ARMC2: variants seen among roughly 807,000 people sequenced by gnomAD.
The protein encoded by ARMC2 is armadillo repeat-containing protein 2.
Under a neutral mutation model 90.3 loss-of-function variants are expected in ARMC2, and 67 were observed. The ratio of observed to expected loss-of-function variants is 0.74; its 90% confidence interval spans 0.61 to 0.91. The LOEUF (loss-of-function observed/expected upper bound fraction) is 0.91. Among genes scored for constraint, ARMC2 ranks in the 40% least tolerant of loss-of-function variants. The pLI, the probability that ARMC2 is intolerant of heterozygous loss-of-function variation, is 0.00. For missense variants in ARMC2, 920 were observed against 1,030.9 expected (o/e 0.89, Z 1.47); for synonymous variants, 393 against 393.0 (o/e 1.00, Z 0.00).
chr6:108,913,805 A>G (rs1465779302), intron 10 of ARMC2, among the ~76,000 whole-genome samples: 2 of 152,064 alleles, frequency 1.3e-5, no homozygotes. Flanking sequence ...TGGTTTATCC[A>G]TTTAGCTAAC....
the ARMC2 span, among the ~76,000 whole-genome samples, chr6:108,989,001 C>G: frequency 6.6e-6 from 1 of 152,158 alleles, no homozygotes; most frequent in South Asian, 2.1e-4. Flanking sequence ...CGTAGCCACA[C>G]TGAGGAACAA....
chr6:109,031,899 T>A, the ARMC2 span, among the ~76,000 whole-genome samples: 1 of 152,200 alleles, frequency 6.6e-6, no homozygotes, highest in Admixed American at 6.5e-5. Flanking sequence ...TAATGAAATA[T>A]CTTGGGGATG....
chr6:108,923,839 C>T (rs1399230725), intron 10 of ARMC2, among the ~76,000 whole-genome samples: 4 of 152,080 alleles, frequency 2.6e-5, no homozygotes, highest in Admixed American at 6.6e-5. Context: ...GCTAAGCTCC[C>T]GCACTTTCTT....
At chr6:108,928,306 G>T (rs1775268506) in intron 11 of ARMC2, 73 bp downstream of exon 11, 2 of 1,347,548 alleles carry the variant, frequency 1.5e-6, no homozygotes, top group African/African-American at 3.0e-5. Context: ...TTTAATATTT[G>T]CTTGTGTGAC....
rs755315526 is a variant in ARMC2, at chr6:108,876,223, T to C, written c.544T>C (p.Ser182Pro). Residue 182 changes from serine to proline, a missense_variant, in exon 5 of 18, where the codon TCA (serine) becomes CCA (proline). Physicochemically the swap from Ser to Pro is moderately conservative, Grantham distance 74 (BLOSUM62 -1). Transcript: ENST00000392644. ...AATAAATGGGATTTATTTAACAAAA[T>C]CAAATGCTATTTGCCACTTAAAGAG... ...VKINGIYLTK[S>P]NAICHLKSHP... 11 of 1,612,786 alleles carry C rather than the reference T, an allele frequency of 6.8e-6. No homozygotes were observed. In the African/African-American group the frequency reaches 1.1e-4, roughly 16 times the overall value.
chr6:108,917,157 A>G (rs1158225638), intron 10 of ARMC2, among the ~76,000 whole-genome samples: 6 of 152,038 alleles, frequency 3.9e-5, no homozygotes, highest in Non-Finnish European at 7.4e-5. Context: ...AGAGAAATGT[A>G]TTATTTGCCT....
At chr6:108,997,561 T>C in the ARMC2 span, among the ~76,000 whole-genome samples, 16 of 152,230 alleles carry the variant, frequency 1.1e-4, no homozygotes, top group Non-Finnish European at 2.4e-4. Context: ...TGCTAAGTGC[T>C]GTACTTGGCA....
chr6:108,912,422 C>T lies in ARMC2; in HGVS notation c.1214C>T (p.Ser405Phe). Residue 405 changes from serine (S) to phenylalanine (F), a missense_variant, in exon 10 of 18, where the codon TCT (serine) becomes TTT (phenylalanine). Coordinates refer to ENST00000392644, the MANE Select transcript of ARMC2 (RefSeq NM_032131.6). ...LYCMGSIKFI[S>F]GNLGFLNEMI... ...TGTATGGGGTCTATAAAGTTCATTTCTGGAAATCTGGGATTTCTTAATGAA... is the reference window on the plus strand; with the variant it reads ...TGTATGGGGTCTATAAAGTTCATTTTTGGAAATCTGGGATTTCTTAATGAA... The T allele has an allele frequency of 6.2e-7, 1 of 1,613,854 alleles. No homozygotes were observed. Among genetic ancestry groups the T allele is most frequent in the Non-Finnish European group, 8.5e-7 (1 of 1,179,818 alleles).
At position 108,868,993 on chromosome 6, in the gene ARMC2, A is replaced by G. The variant is rs1776114524; in HGVS notation, c.461A>G (p.Asp154Gly). 1 of 1,609,000 alleles carries G rather than the reference A, an allele frequency of 6.2e-7. No individual in the cohort carries two copies. The highest frequency in any genetic ancestry group is 8.5e-7 in the Non-Finnish European group (1 of 1,177,842). The change falls in exon 4 of 18, where the codon GAC (aspartate) becomes GGC (glycine). Residue 154 changes from aspartate (D) to glycine (G), a missense_variant and splice_region_variant. By Grantham distance (94) the Asp-to-Gly change is moderately conservative. Transcript: ENST00000392644. ...CCGGACAGATCCCTTCCTCCCTCCG[A>G]CTGTAAGGCCATGTAACATCCTGTA... ...LLPDRSLPPS[D>G]SKKTVESKET... is the part of the protein sequence containing the mutation.
intron 8 of ARMC2, among the ~76,000 whole-genome samples, chr6:108,906,995 G>A (rs1772806693): frequency 6.6e-6 from 1 of 152,172 alleles, no homozygotes; most frequent in African/African-American, 2.4e-5. Context: ...ATAAATGTAA[G>A]ATTTTATTAT....
intron 17 of ARMC2, among the ~76,000 whole-genome samples, chr6:108,972,769 T>C (rs1165563826): frequency 6.6e-6 from 1 of 152,028 alleles, no homozygotes; most frequent in Non-Finnish European, 1.5e-5. Flanking sequence ...GCTCAAGTGA[T>C]TCTCCTGACC....
intron 10 of ARMC2, among the ~76,000 whole-genome samples, chr6:108,919,219 G>A (rs1774292389): frequency 6.6e-6 from 1 of 152,144 alleles, no homozygotes; most frequent in Non-Finnish European, 1.5e-5. Context: ...GGCTGGCCGG[G>A]GTCTTTTAAC....
At chr6:108,967,586 G>C (rs912056370) in intron 17 of ARMC2, among the ~76,000 whole-genome samples, 1 of 152,204 alleles carries the variant, frequency 6.6e-6, no homozygotes, top group African/African-American at 2.4e-5. Context: ...GATATAAAAT[G>C]ACATAGAATT....
chr6:109,005,891 AT>A, the ARMC2 span, among the ~76,000 whole-genome samples: 1 of 152,332 alleles, frequency 6.6e-6, no homozygotes, highest in East Asian at 1.9e-4. Flanking sequence ...GGTCTAACAG[AT>A]TTGGCTGTCT....
chr6:109,009,264 G>A, the ARMC2 span: 3 of 1,145,312 alleles, frequency 2.6e-6, no homozygotes, highest in African/African-American at 3.3e-5. Flanking sequence ...GCGACTGTGA[G>A]GAGGCAACGT....
the ARMC2 span, among the ~76,000 whole-genome samples, chr6:109,041,964 T>A: frequency 6.6e-6 from 1 of 152,278 alleles, no homozygotes. Flanking sequence ...TAAATTTGAA[T>A]ATATTTAAAA....
chr6:108,900,957 T>G (rs1772075745), intron 7 of ARMC2, among the ~76,000 whole-genome samples: 1 of 151,990 alleles, frequency 6.6e-6, no homozygotes, highest in African/African-American at 2.4e-5. Context: ...TTTCAGGAGA[T>G]ATGTGCAAAC....
At chr6:108,911,047 TA>T (rs1360564460) in intron 9 of ARMC2, 46 bp downstream of exon 9, 9 of 1,190,790 alleles carry the variant, frequency 7.6e-6, no homozygotes, top group Non-Finnish European at 9.5e-6. Context: ...TGTACTTGAG[TA>T]AAAATTAGAA....
At chr6:108,923,617 C>A (rs1774814491) in intron 10 of ARMC2, among the ~76,000 whole-genome samples, 1 of 117,610 alleles carries the variant, frequency 8.5e-6, no homozygotes, top group Non-Finnish European at 1.9e-5. Flanking sequence ...CTCCCCACAC[C>A]CTTTTTTTTT....
Sources: gnomAD v4.1 joint callset for allele counts (sites outside exome capture counted in the v4.1 genomes callset) on GRCh38, gnomAD v4.1.1 for gene constraint, MANE v1.5 for transcripts, NCBI Gene and HGNC (gene_info 2026-07-23, HGNC 2026-07-21) for gene names.